VWDE: variants seen among roughly 807,000 people sequenced by gnomAD.
VWDE encodes the protein von Willebrand factor D and EGF domains, also known as von Willebrand factor D and EGF domain-containing protein.
A neutral mutation model predicts 178.4 loss-of-function variants in VWDE; 207 were observed. That is an observed-to-expected ratio of 1.16 (90% confidence interval 1.04 to 1.30). The LOEUF is 1.30. Among genes scored for constraint, VWDE ranks in the 50% most tolerant of loss-of-function variants. VWDE has a pLI of 0.00. For synonymous variants in VWDE, 738 were observed against 651.4 expected (o/e 1.13, Z -2.02); for missense variants, 2,287 against 1,901.3 (o/e 1.20, Z -3.77).
chr7:12,347,770 A>T (rs1430375885), intron 19 of VWDE, among the ~76,000 whole-genome samples: 2 of 152,018 alleles, frequency 1.3e-5, no homozygotes, highest in Admixed American at 1.3e-4. Flanking sequence ...CGCCAAGTCA[A>T]TCCTAAGCCA....
intron 24 of VWDE, among the ~76,000 whole-genome samples, chr7:12,338,775 T>C (rs1376632393): frequency 6.6e-6 from 1 of 152,110 alleles, no homozygotes; most frequent in African/African-American, 2.4e-5. Context: ...GTGAAGCAAA[T>C]TGGAAGGTGT....
intron 1 of VWDE, 60 bp downstream of exon 1, chr7:12,403,599 C>T (rs747575735): frequency 1.1e-4 from 158 of 1,494,782 alleles, no homozygotes; most frequent in East Asian, 2.0e-4. Context: ...CTAGCCTAGT[C>T]CCTCTACCGC....
chr7:12,392,223 G>C (rs1057010307), intron 2 of VWDE, among the ~76,000 whole-genome samples: 1 of 152,208 alleles, frequency 6.6e-6, no homozygotes. Context: ...GCATCACTGA[G>C]AGAACTAGTG....
intron 1 of VWDE, among the ~76,000 whole-genome samples, chr7:12,394,182 G>T (rs1473176277): frequency 6.6e-6 from 1 of 152,100 alleles, no homozygotes; most frequent in East Asian, 1.9e-4. Context: ...TCCCAAAGTA[G>T]CCACATGCCT....
At chr7:12,394,817 A>G (rs1784550785) in intron 1 of VWDE, among the ~76,000 whole-genome samples, 1 of 152,122 alleles carries the variant, frequency 6.6e-6, no homozygotes, top group South Asian at 2.1e-4. Flanking sequence ...TCATCGTGGA[A>G]AAACCTTATC....
At chr7:12,361,050 G>A (rs1583303894) in intron 15 of VWDE, 97 bp downstream of exon 15, 2 of 686,406 alleles carry the variant, frequency 2.9e-6, no homozygotes, top group East Asian at 6.0e-5. Flanking sequence ...TAGTTTTTCT[G>A]GTATAAAAGT....
intron 16 of VWDE, 84 bp from the exon 17 acceptor site, chr7:12,357,599 AT>A: frequency 7.0e-7 from 1 of 1,435,400 alleles, no homozygotes; most frequent in Non-Finnish European, 9.3e-7. Context: ...AGAGATATGC[AT>A]TTTGATAAAG....
intron 18 of VWDE, among the ~76,000 whole-genome samples, chr7:12,355,095 A>G (rs1215998389): frequency 6.6e-6 from 1 of 152,194 alleles, no homozygotes; most frequent in Non-Finnish European, 1.5e-5. Flanking sequence ...AGTAGAAAAG[A>G]GATCTACATT....
intron 12 of VWDE, among the ~76,000 whole-genome samples, chr7:12,368,237 TA>T (rs148684121): frequency 0.017 from 2,458 of 143,506 alleles, 54 homozygotes; most frequent in African/African-American, 0.057. Context: ...ATGGGAGGAT[TA>T]AAAAAAAAAT....
intron 27 of VWDE, among the ~76,000 whole-genome samples, chr7:12,334,663 G>A (rs115958520): frequency 6.0e-4 from 92 of 152,336 alleles, no homozygotes; most frequent in African/African-American, 2.1e-3. Flanking sequence ...AGAATTTGAA[G>A]TAGGATGACT....
At chr7:12,360,700 T>C (rs530688654) in intron 15 of VWDE, among the ~76,000 whole-genome samples, 2 of 152,212 alleles carry the variant, frequency 1.3e-5, no homozygotes, top group East Asian at 3.9e-4. Context: ...CTGTAATCCA[T>C]CAAGTGGCAG....
chr7:12,342,111 T>C lies in VWDE; in HGVS notation c.4218A>G (p.Thr1406=). 2 of 1,551,588 alleles carry C rather than the reference T, an allele frequency of 1.3e-6. No individual in the cohort carries two copies. Among genetic ancestry groups the C allele is most frequent in the South Asian group, 1.2e-5 (1 of 84,048 alleles). The change falls in exon 23 of 29, where the codon ACA becomes ACG. Residue 1406 remains threonine, a synonymous_variant. Coordinates refer to ENST00000275358, the MANE Select transcript of VWDE (RefSeq NM_001135924.3). ...CAGGTTTGCACTGGCAAATATCTGG[T>C]GTAAGACACTGGCCTCCATTTTCAC... ...RHCENGGQCL[T]PDICQCKPGW...
intron 2 of VWDE, among the ~76,000 whole-genome samples, chr7:12,393,241 C>G (rs558127070): frequency 5.3e-5 from 8 of 152,276 alleles, no homozygotes; most frequent in African/African-American, 1.7e-4. Context: ...GAACGACTGC[C>G]TGTATTCAAA....
chr7:12,401,832 T>TTG (rs1419623178), intron 1 of VWDE, among the ~76,000 whole-genome samples: 1 of 152,042 alleles, frequency 6.6e-6, no homozygotes, highest in African/African-American at 2.4e-5. Context: ...CAAACAAAAC[T>TTG]TGTACCTCGG....
chr7:12,362,627 T>C (rs1383986238), intron 13 of VWDE, among the ~76,000 whole-genome samples: 1 of 152,128 alleles, frequency 6.6e-6, no homozygotes, highest in East Asian at 1.9e-4. Context: ...TGTCAAATGT[T>C]TTCAACCACT....
intron 5 of VWDE, 123 bp from the exon 6 acceptor site, chr7:12,379,689 T>A: frequency 3.4e-6 from 2 of 587,958 alleles, no homozygotes; most frequent in Non-Finnish European, 5.4e-6. Context: ...ATAAAAGAAT[T>A]AAATAATTTA....
At chr7:12,373,841 G>A (rs1312739667) in intron 9 of VWDE, among the ~76,000 whole-genome samples, 3 of 152,086 alleles carry the variant, frequency 2.0e-5, no homozygotes, top group South Asian at 2.1e-4. Context: ...ACACTTTCTC[G>A]AAATTTTTCC....
rs1782242083 is a variant in VWDE at position 12,356,235 on chromosome 7, C to T, written c.3621G>A (p.Leu1207=). ...PGSGVYLCVC[L]PGFHGSLCEV... ...CACAAAGGCTGCCATGGAAGCCAGG[C>T]AAGCAGACACACAGGTACACTCCAC... The change falls in exon 18 of 29, where the codon TTG becomes TTA. Residue 1207 remains leucine (L), a synonymous_variant. Coordinates refer to ENST00000275358, the MANE Select transcript of VWDE (RefSeq NM_001135924.3). 1 of 1,551,486 alleles carries T rather than the reference C, an allele frequency of 6.4e-7. No homozygotes were observed. The highest frequency in any genetic ancestry group is 2.4e-5 in the East Asian group (1 of 40,888).
intron 15 of VWDE, among the ~76,000 whole-genome samples, chr7:12,360,856 T>G (rs1175580371): frequency 6.6e-6 from 1 of 152,194 alleles, no homozygotes; most frequent in Non-Finnish European, 1.5e-5. Flanking sequence ...TGGAAAGTCA[T>G]TATTACTACT....
Sources: allele counts gnomAD v4.1 joint callset (sites outside exome capture counted in the v4.1 genomes callset), GRCh38; gene constraint gnomAD v4.1.1; transcripts MANE v1.5; gene names NCBI Gene and HGNC (gene_info 2026-07-23, HGNC 2026-07-21).